Variants in CLDN10 observed in about 807,000 individuals in gnomAD.
CLDN10 encodes claudin 10.
A neutral mutation model predicts 22.9 loss-of-function variants in CLDN10; 15 were observed. That is an observed-to-expected ratio of 0.65 (90% CI 0.44 to 1.01). The LOEUF (loss-of-function observed/expected upper bound fraction) is 1.01, where lower values mean the gene tolerates loss of function less well. Ranked by LOEUF, CLDN10 falls within the 50% of genes least tolerant of loss-of-function variation. The pLI is 0.00. For synonymous variants in CLDN10, 114 were observed against 111.4 expected (o/e 1.02, Z -0.15); for missense variants, 247 against 287.8 (o/e 0.86, Z 1.03).
At chr13:95,572,132 T>G (rs2043871049) in intron 3 of CLDN10, among the ~76,000 whole-genome samples, 2 of 152,186 alleles carry the variant, frequency 1.3e-5, no homozygotes, top group Admixed American at 6.5e-5. Flanking sequence ...TCCTCACCTC[T>G]TTTTGTGCCG....
intron 1 of CLDN10, among the ~76,000 whole-genome samples, chr13:95,492,367 T>G (rs2042882534): frequency 6.6e-6 from 1 of 151,874 alleles, no homozygotes. Context: ...GGGGGTGGGA[T>G]TCCTAGGTCA....
intron 1 of CLDN10, among the ~76,000 whole-genome samples, chr13:95,494,740 G>A (rs937687604): frequency 2.6e-5 from 4 of 152,152 alleles, no homozygotes; most frequent in African/African-American, 9.7e-5. Context: ...AGCGTGTTCT[G>A]AAGAACAGAG....
chr13:95,538,911 G>A (rs568121570), intron 1 of CLDN10, among the ~76,000 whole-genome samples: 3 of 151,878 alleles, frequency 2.0e-5, no homozygotes, highest in Non-Finnish European at 2.9e-5. Flanking sequence ...ATGGAGTCTC[G>A]CTCTGTCGCT....
At chr13:95,435,516 G>A (rs1257328539) in intron 1 of CLDN10, among the ~76,000 whole-genome samples, 2 of 152,158 alleles carry the variant, frequency 1.3e-5, no homozygotes, top group Non-Finnish European at 2.9e-5. Context: ...GCCTCACTTA[G>A]TCCCTGAAAT....
In CLDN10 at chr13:95,578,548, T is replaced by C. The variant is rs891817702; in HGVS notation, c.*534T>C. On this transcript the variant is annotated 3_prime_UTR_variant, in exon 5 of 5. Transcript: ENST00000299339. ...ATTTATTTAAAAAGGTAAATCTTTT[T>C]GTTGAAGCAGCAAGTTATCTGGTAG... The C allele has an allele frequency of 6.6e-6, 1 of 152,282 alleles. No individual in the cohort carries two copies. Among genetic ancestry groups the C allele is most frequent in the Non-Finnish European group, 1.5e-5 (1 of 68,092 alleles). 9.4% of individuals were successfully genotyped at this position (152,282 alleles called of 1,614,324 possible).
At chr13:95,489,993 G>C (rs1189308628) in intron 1 of CLDN10, among the ~76,000 whole-genome samples, 1 of 152,132 alleles carries the variant, frequency 6.6e-6, no homozygotes, top group Non-Finnish European at 1.5e-5. Flanking sequence ...CCCAGTTTAT[G>C]ATTTTGTTTG....
intron 1 of CLDN10, among the ~76,000 whole-genome samples, chr13:95,485,487 T>C (rs946231): frequency 0.59 from 90,234 of 152,008 alleles, 28,021 homozygotes; most frequent in African/African-American, 0.79. Context: ...TATCCAAAGG[T>C]ATTCAAAATT....
intron 1 of CLDN10, among the ~76,000 whole-genome samples, chr13:95,510,715 A>C (rs2043087337): frequency 6.6e-6 from 1 of 152,110 alleles, no homozygotes; most frequent in African/African-American, 2.4e-5. Context: ...TACACTATGA[A>C]AACAATTCTT....
chr13:95,477,089 A>G (rs2042691922), intron 1 of CLDN10, among the ~76,000 whole-genome samples: 1 of 152,174 alleles, frequency 6.6e-6, no homozygotes, highest in South Asian at 2.1e-4. Context: ...GGTGAGGCCA[A>G]TAGATCAGAT....
At chr13:95,448,363 A>G (rs1419643899) in intron 1 of CLDN10, among the ~76,000 whole-genome samples, 1 of 152,180 alleles carries the variant, frequency 6.6e-6, no homozygotes, top group African/African-American at 2.4e-5. Flanking sequence ...CAGGCACCCC[A>G]CACACATATA....
chr13:95,463,285 A>AAATATATATATATATATATATAT (rs1491334890), intron 1 of CLDN10, among the ~76,000 whole-genome samples: 1 of 40,096 alleles, frequency 2.5e-5, no homozygotes, highest in Non-Finnish European at 5.2e-5. Flanking sequence ...GCAAATGCTT[A>AAATATATATATATATATATATAT]ATATATATAT....
At chr13:95,555,626 G>GT (rs893182693) in intron 1 of CLDN10, among the ~76,000 whole-genome samples, 4 of 152,116 alleles carry the variant, frequency 2.6e-5, no homozygotes, top group African/African-American at 7.2e-5. Context: ...TTATCAGCCT[G>GT]TTTTTTTGAT....
intron 3 of CLDN10, among the ~76,000 whole-genome samples, chr13:95,575,407 CTG>C (rs1172258282): frequency 2.6e-5 from 4 of 152,200 alleles, no homozygotes; most frequent in African/African-American, 4.8e-5. Context: ...GGCAGGCATG[CTG>C]CTTGTTGTCT....
At chr13:95,547,975 T>C (rs571096500), upstream of CLDN10, among the ~76,000 whole-genome samples, 4 of 152,292 alleles carry the variant, frequency 2.6e-5, no homozygotes, top group South Asian at 8.3e-4. Flanking sequence ...AATGACTAAG[T>C]TCATTAGGAA....
intron 1 of CLDN10, among the ~76,000 whole-genome samples, chr13:95,545,047 G>A (rs1444854423): frequency 6.6e-6 from 1 of 151,930 alleles, no homozygotes; most frequent in Non-Finnish European, 1.5e-5. Context: ...CAAAGGGCTA[G>A]GGTTGCAGGT....
intron 1 of CLDN10, among the ~76,000 whole-genome samples, chr13:95,440,915 G>A (rs915057043): frequency 3.9e-5 from 6 of 152,196 alleles, no homozygotes; most frequent in Admixed American, 3.9e-4. Flanking sequence ...GCGGACGACT[G>A]GACTGGGGAT....
chr13:95,435,026 A>G (rs1415854228), intron 1 of CLDN10, among the ~76,000 whole-genome samples: 1 of 152,228 alleles, frequency 6.6e-6, no homozygotes, highest in Non-Finnish European at 1.5e-5. Flanking sequence ...TTTATCTAAG[A>G]ATACATGGGG....
intron 1 of CLDN10, among the ~76,000 whole-genome samples, chr13:95,492,523 C>A (rs979614614): frequency 6.6e-6 from 1 of 152,144 alleles, no homozygotes; most frequent in African/African-American, 2.4e-5. Flanking sequence ...GTGCCTCCCC[C>A]AACAGCCTCG....
At position 95,563,230 on chromosome 13, in the gene CLDN10, GAGAGAT is replaced by G. The variant is rs1225588788; in HGVS notation, c.464+2771_464+2776del. Among the ~76,000 whole-genome samples, 999 of 144,636 alleles carry G rather than the reference GAGAGAT, an allele frequency of 6.9e-3. 7 individuals carry two copies. Among genetic ancestry groups the G allele is most frequent in the Non-Finnish European group, 0.012 (787 of 64,564 alleles). 94.9% of individuals were successfully genotyped at this position (144,636 alleles called of 152,430 possible). On this transcript the variant is annotated intron_variant, in intron 3 of 4. Transcript: ENST00000299339. ...GAGAGGAGAGAGAGAGAGAGAGAGA[GAGAGAT>G]AGATGTGATTGGCACAGAGCAAACA...
Sources: allele counts gnomAD v4.1 joint callset (sites outside exome capture counted in the v4.1 genomes callset), GRCh38; gene constraint gnomAD v4.1.1; transcripts MANE v1.5; gene names NCBI Gene and HGNC (gene_info 2026-07-23, HGNC 2026-07-21).